The following SKAP2 variants were observed in gnomAD, a reference collection of about 807,000 sequenced individuals.
SKAP2 encodes src kinase-associated phosphoprotein 2.
In SKAP2, 28 loss-of-function variants were observed where a neutral mutation model predicts 54.9. That is an observed-to-expected ratio of 0.51 (90% CI 0.38 to 0.70). The LOEUF is 0.70. Among genes scored for constraint, SKAP2 ranks in the 30% least tolerant of loss-of-function variants. The pLI is 0.00. For missense variants in SKAP2, 356 were observed against 424.1 expected (o/e 0.84, Z 1.41); for synonymous variants, 137 against 134.3 (o/e 1.02, Z -0.14).
chr7:26,761,081 A>G (rs1287098337), intron 4 of SKAP2, among the ~76,000 whole-genome samples: 2 of 152,238 alleles, frequency 1.3e-5, no homozygotes, highest in Non-Finnish European at 2.9e-5. Flanking sequence ...AAAGTGGAAC[A>G]GGGAAAACGC....
chr7:26,760,007 T>C (rs1782889035), intron 4 of SKAP2, among the ~76,000 whole-genome samples: 1 of 151,934 alleles, frequency 6.6e-6, no homozygotes, highest in African/African-American at 2.4e-5. Flanking sequence ...TGATGAACAA[T>C]ACTTTAAGTA....
chr7:26,655,120 A>G, the SKAP2 span, among the ~76,000 whole-genome samples: 1 of 152,254 alleles, frequency 6.6e-6, no homozygotes, highest in Admixed American at 6.5e-5. Flanking sequence ...CTTACAGGTA[A>G]GAAGGAACTC....
At chr7:26,837,736 C>T (rs1053300373) in intron 4 of SKAP2, among the ~76,000 whole-genome samples, 2 of 148,770 alleles carry the variant, frequency 1.3e-5, no homozygotes, top group East Asian at 2.3e-4. Context: ...CCAGATGATG[C>T]TGATACTGTT....
chr7:26,824,827 T>C (rs890952748), intron 4 of SKAP2, among the ~76,000 whole-genome samples: 19 of 152,184 alleles, frequency 1.2e-4, no homozygotes, highest in African/African-American at 4.6e-4. Flanking sequence ...GGGCTGTAGA[T>C]TGCCAACCCC....
intron 9 of SKAP2, among the ~76,000 whole-genome samples, chr7:26,698,752 G>A (rs890122283): frequency 6.6e-6 from 1 of 152,116 alleles, no homozygotes; most frequent in African/African-American, 2.4e-5. Context: ...TTGGGAATCT[G>A]GCAGACATTT....
At chr7:26,718,984 G>A (rs1787520558) in intron 9 of SKAP2, among the ~76,000 whole-genome samples, 2 of 152,096 alleles carry the variant, frequency 1.3e-5, no homozygotes, top group South Asian at 2.1e-4. Context: ...TTCAAAACCA[G>A]CCTGGTCAGC....
intron 4 of SKAP2, among the ~76,000 whole-genome samples, chr7:26,776,784 T>C (rs923289408): frequency 1.3e-5 from 2 of 152,222 alleles, no homozygotes; most frequent in Non-Finnish European, 1.5e-5. Flanking sequence ...AAATCTGATA[T>C]GTCATTCCTG....
At chr7:26,725,869 T>G in intron 8 of SKAP2, 54 bp downstream of exon 8, 1 of 1,411,892 alleles carries the variant, frequency 7.1e-7, no homozygotes, top group Non-Finnish European at 9.9e-7. Context: ...CCCAAACTAC[T>G]CTGTTATTTA....
In SKAP2 at chr7:26,683,189, T is replaced by C. The variant is rs185088445; in HGVS notation, c.987+1547A>G. On this transcript the variant is annotated intron_variant, in intron 11 of 12. Coordinates refer to ENST00000345317, the MANE Select transcript of SKAP2 (RefSeq NM_003930.5). ...ACTGTGAGCTATATAAATTTAGGAA[T>C]GATTCCAAGAAAGTTTCTTGACAGG... Among the ~76,000 whole-genome samples the C allele has an allele frequency of 1.7e-3, 260 of 152,328 alleles. 2 individuals are homozygous for C. The highest frequency in any genetic ancestry group is 2.6e-3 in the Non-Finnish European group (178 of 68,014).
chr7:26,730,409 CCTTTAAG>C (rs969066359), intron 6 of SKAP2, among the ~76,000 whole-genome samples: 7 of 152,100 alleles, frequency 4.6e-5, no homozygotes, highest in Non-Finnish European at 8.8e-5. Flanking sequence ...AAAGCTTATT[CCTTTAAG>C]TGCCAAAACT....
intron 4 of SKAP2, among the ~76,000 whole-genome samples, chr7:26,767,443 G>A (rs1403266984): frequency 6.6e-6 from 1 of 152,070 alleles, no homozygotes; most frequent in Non-Finnish European, 1.5e-5. Flanking sequence ...TTTTTGAAGG[G>A]TTTTTTGTGT....
At chr7:26,716,487 A>G (rs564889587) in intron 9 of SKAP2, among the ~76,000 whole-genome samples, 1 of 152,262 alleles carries the variant, frequency 6.6e-6, no homozygotes, top group Non-Finnish European at 1.5e-5. Context: ...GAAACTTTCT[A>G]TGTGGTTTTG....
At chr7:26,655,032 G>A in the SKAP2 span, among the ~76,000 whole-genome samples, 2 of 152,170 alleles carry the variant, frequency 1.3e-5, no homozygotes, top group East Asian at 3.9e-4. Flanking sequence ...AGTTACAAGT[G>A]ATGTAACTAA....
intron 3 of SKAP2, among the ~76,000 whole-genome samples, chr7:26,848,714 C>T (rs941599490): frequency 2.0e-5 from 3 of 152,128 alleles, no homozygotes; most frequent in Non-Finnish European, 2.9e-5. Context: ...ACATAGTTCA[C>T]TTGTCTAATT....
intron 4 of SKAP2, among the ~76,000 whole-genome samples, chr7:26,787,751 T>C (rs566686610): frequency 5.6e-4 from 85 of 152,216 alleles, no homozygotes; most frequent in African/African-American, 2.0e-3. Context: ...AAGTACTCAC[T>C]CATTGTCGCA....
intron 4 of SKAP2, among the ~76,000 whole-genome samples, chr7:26,774,088 G>A (rs1783247430): frequency 6.6e-6 from 1 of 152,078 alleles, no homozygotes; most frequent in Admixed American, 6.6e-5. Flanking sequence ...CGAGGTGGGT[G>A]GATCACTTGA....
At chr7:26,788,723 A>T (rs1783610884) in intron 4 of SKAP2, among the ~76,000 whole-genome samples, 1 of 152,118 alleles carries the variant, frequency 6.6e-6, no homozygotes, top group Non-Finnish European at 1.5e-5. Context: ...CTGAAATTCT[A>T]TTCATGTAAA....
intron 9 of SKAP2, among the ~76,000 whole-genome samples, chr7:26,691,476 T>C (rs1202937799): frequency 6.6e-6 from 1 of 152,212 alleles, no homozygotes; most frequent in Admixed American, 6.5e-5. Flanking sequence ...AATATATAAA[T>C]GTAGTCATTG....
At chr7:26,713,178 G>C (rs1309734268) in intron 9 of SKAP2, among the ~76,000 whole-genome samples, 1 of 152,200 alleles carries the variant, frequency 6.6e-6, no homozygotes, top group Non-Finnish European at 1.5e-5. Flanking sequence ...GGTGTTCACT[G>C]TGCCTGGAAA....
Sources: gnomAD v4.1 joint callset for allele counts (sites outside exome capture counted in the v4.1 genomes callset) on GRCh38, gnomAD v4.1.1 for gene constraint, MANE v1.5 for transcripts, NCBI Gene and HGNC (gene_info 2026-07-23, HGNC 2026-07-21) for gene names.